KAZN: variants seen among roughly 807,000 people sequenced by gnomAD.
KAZN encodes the protein kazrin.
In KAZN, 40 loss-of-function variants were observed where a neutral mutation model predicts 87.4. That is an observed-to-expected ratio of 0.46 (90% CI 0.36 to 0.60). KAZN has a LOEUF of 0.60. KAZN is among the 20% of genes least tolerant of loss of function. The pLI, the probability that KAZN is intolerant of heterozygous loss-of-function variation, is 0.00. For missense variants in KAZN, 898 were observed against 1,073.9 expected, an observed-to-expected ratio of 0.84 and a Z score of 2.29; for synonymous variants, 466 against 458.3, an observed-to-expected ratio of 1.02 and a Z score of -0.22.
intron 1 of KAZN, among the ~76,000 whole-genome samples, chr1:13,908,451 A>C (rs1639526973): frequency 6.6e-6 from 1 of 152,234 alleles, no homozygotes; most frequent in Non-Finnish European, 1.5e-5. Flanking sequence ...CTCCAGCCTA[A>C]ATAGCTAATT....
intron 1 of KAZN, among the ~76,000 whole-genome samples, chr1:14,807,273 C>T (rs1451956427): frequency 1.3e-5 from 2 of 152,184 alleles, no homozygotes; most frequent in African/African-American, 4.8e-5. Context: ...GAGGCAGCAG[C>T]CACCTTGGGG....
rs72873843 is a variant in KAZN, at chr1:15,116,681, T to G, written c.*2046T>G. 7,288 of 152,184 alleles carry G rather than the reference T, an allele frequency of 0.048. 327 individuals are homozygous for G. The highest frequency in any genetic ancestry group is 0.11 in the African/African-American group (4,536 of 41,502). 9.4% of individuals were successfully genotyped at this position (152,184 alleles called of 1,614,324 possible). A position where few individuals can be genotyped will look rare whatever the true frequency, so the allele number is the denominator to read the frequency against. Reference sequence around the variant, plus strand: ...TGACCTGGGACCCCAGAAACTGCCGTTTGGGAGGCAGCAACAGCAACGTGC... The same window carrying G: ...TGACCTGGGACCCCAGAAACTGCCGGTTGGGAGGCAGCAACAGCAACGTGC... On this transcript the variant is annotated 3_prime_UTR_variant, in exon 15 of 15. Transcript: ENST00000376030.
In KAZN at chr1:14,775,905, G is replaced by A. The variant is rs1054478225; in HGVS notation, c.226+176682G>A. ...AAGGCGTCACAGGCCCTTTCCTACA[G>A]CGGTCGACACCCAGGTCTCTTCCAC... On this transcript the variant is annotated intron_variant, in intron 1 of 14. Transcript: ENST00000376030. 1.3e-5 allele frequency among the ~76,000 whole-genome samples: 2 copies of A among 152,234 alleles called. 1 individual carries two copies. The highest frequency in any genetic ancestry group is 3.9e-4 in the East Asian group (2 of 5,180).
intron 1 of KAZN, among the ~76,000 whole-genome samples, chr1:14,906,186 AATAATAATAATAATAAT>A (rs1656557458): frequency 4.4e-5 from 1 of 22,482 alleles, no homozygotes; most frequent in Non-Finnish European, 1.5e-4. Flanking sequence ...TTATAATAAT[AATAATAATAATAATAAT>A]AATAATAATA....
intron 2 of KAZN, among the ~76,000 whole-genome samples, chr1:14,426,931 C>T (rs1373961478): frequency 1.3e-5 from 2 of 152,172 alleles, no homozygotes; most frequent in African/African-American, 4.8e-5. Context: ...TATCACTCAC[C>T]CAGCAATTGT....
At chr1:14,342,116 G>A (rs936961976) in intron 2 of KAZN, among the ~76,000 whole-genome samples, 3 of 152,154 alleles carry the variant, frequency 2.0e-5, no homozygotes, top group Non-Finnish European at 2.9e-5. Flanking sequence ...GTTTGCTAAG[G>A]ATAATGGCTT....
chr1:14,986,527 AGCAGTTCC>A (rs1426592523), intron 2 of KAZN, among the ~76,000 whole-genome samples: 1 of 152,178 alleles, frequency 6.6e-6, no homozygotes, highest in Non-Finnish European at 1.5e-5. Context: ...GTGCTTTCCA[AGCAGTTCC>A]GCAGTCCTGC....
chr1:14,936,446 T>A (rs1660466254), intron 1 of KAZN, among the ~76,000 whole-genome samples: 1 of 152,178 alleles, frequency 6.6e-6, no homozygotes, highest in Non-Finnish European at 1.5e-5. Flanking sequence ...GCACTGGACA[T>A]CCCGCACCAT....
At chr1:14,600,666 C>CAAAA (rs59840012) in intron 1 of KAZN, among the ~76,000 whole-genome samples, 33 of 118,202 alleles carry the variant, frequency 2.8e-4, no homozygotes, top group Non-Finnish European at 3.0e-4. Flanking sequence ...GGAACCTGTG[C>CAAAA]AAAAAAAAAA....
intron 2 of KAZN, among the ~76,000 whole-genome samples, chr1:14,292,611 C>T (rs917441168): frequency 6.6e-6 from 1 of 152,330 alleles, no homozygotes; most frequent in African/African-American, 2.4e-5. Context: ...GCCCCCATGG[C>T]CGGCTCTACC....
At chr1:15,013,213 C>A (rs750848823) in intron 2 of KAZN, among the ~76,000 whole-genome samples, 30 of 152,156 alleles carry the variant, frequency 2.0e-4, no homozygotes, top group Non-Finnish European at 4.1e-4. Flanking sequence ...AGTGCTTCCG[C>A]AAATATTTAT....
chr1:14,863,832 C>T (rs1471463303), intron 1 of KAZN, among the ~76,000 whole-genome samples: 1 of 152,148 alleles, frequency 6.6e-6, no homozygotes, highest in Non-Finnish European at 1.5e-5. Context: ...AGAGGCATTT[C>T]AGGCAGATGG....
chr1:14,700,175 T>C (rs1399783640), intron 1 of KAZN, among the ~76,000 whole-genome samples: 1 of 152,150 alleles, frequency 6.6e-6, no homozygotes, highest in Non-Finnish European at 1.5e-5. Flanking sequence ...GCCTGTGTAC[T>C]AGGATGGCAC....
At chr1:14,711,410 AT>A (rs1642480252) in intron 1 of KAZN, among the ~76,000 whole-genome samples, 1 of 151,824 alleles carries the variant, frequency 6.6e-6, no homozygotes, top group Non-Finnish European at 1.5e-5. Context: ...GGATGGTCAC[AT>A]TTCGTTTGGG....
At position 13,913,289 on chromosome 1, in the gene KAZN, G is replaced by A. The variant is rs141094280; in HGVS notation, c.91+19533G>A. 1.5e-4 allele frequency among the ~76,000 whole-genome samples: 23 copies of A among 152,262 alleles called. No homozygotes were observed. In the East Asian group the frequency reaches 4.1e-3, roughly 27 times the overall value. On this transcript the variant is annotated intron_variant, in intron 1 of 16. Coordinates refer to the KAZN transcript ENST00000636203. ...TTGTTTTGGTATAAACTAGCAGAACGTTCTGTGTGGCCTCTATCTGGTCAA... is the reference window on the plus strand; with the variant it reads ...TTGTTTTGGTATAAACTAGCAGAACATTCTGTGTGGCCTCTATCTGGTCAA...
chr1:14,806,429 T>C (rs1334129809), intron 1 of KAZN, among the ~76,000 whole-genome samples: 2 of 152,162 alleles, frequency 1.3e-5, no homozygotes, highest in African/African-American at 4.8e-5. Flanking sequence ...AGATGCTGAA[T>C]TATGCTTGAA....
chr1:14,519,429 C>T (rs1671464160), intron 2 of KAZN, among the ~76,000 whole-genome samples: 1 of 152,176 alleles, frequency 6.6e-6, no homozygotes, highest in Admixed American at 6.5e-5. Context: ...CCAAGAGCAG[C>T]ATACATGTCA....
chr1:14,501,411 G>A (rs949236745), intron 2 of KAZN, among the ~76,000 whole-genome samples: 10 of 152,232 alleles, frequency 6.6e-5, no homozygotes, highest in African/African-American at 2.2e-4. Flanking sequence ...TAAGTTCAAC[G>A]AAGTTGTAAG....
intron 2 of KAZN, among the ~76,000 whole-genome samples, chr1:14,224,442 A>G (rs1477663067): frequency 4.6e-5 from 7 of 152,238 alleles, no homozygotes; most frequent in Admixed American, 4.6e-4. Context: ...GATTATATCA[A>G]GAGCAAAAAG....
Sources: allele counts gnomAD v4.1 joint callset (sites outside exome capture counted in the v4.1 genomes callset), GRCh38; gene constraint gnomAD v4.1.1; transcripts MANE v1.5; gene names NCBI Gene and HGNC (gene_info 2026-07-23, HGNC 2026-07-21).